SCEL: variants seen among roughly 807,000 people sequenced by gnomAD.
The protein encoded by SCEL is sciellin.
A neutral mutation model predicts 117.6 loss-of-function variants in SCEL; 113 were observed. The ratio of observed to expected loss-of-function variants is 0.96; its 90% CI spans 0.83 to 1.12. The LOEUF is 1.12. Among genes scored for constraint, SCEL ranks in the 50% most tolerant of loss-of-function variants. The pLI is 0.00. For missense variants in SCEL, 785 were observed against 810.8 expected, an observed-to-expected ratio of 0.97 and a Z score of 0.39; for synonymous variants, 270 against 256.2, an observed-to-expected ratio of 1.05 and a Z score of -0.51.
At chr13:77,641,964 T>C (rs2090577800) in intron 31 of SCEL, among the ~76,000 whole-genome samples, 1 of 152,142 alleles carries the variant, frequency 6.6e-6, no homozygotes, top group Non-Finnish European at 1.5e-5. Flanking sequence ...ATATATTCAA[T>C]TAAACAAAAC....
At chr13:77,599,794 T>C in intron 15 of SCEL, 46 bp downstream of exon 15, 1 of 1,373,890 alleles carries the variant, frequency 7.3e-7, no homozygotes. Context: ...TCCCAGATGG[T>C]GTACTATTTT....
chr13:77,598,305 C>A (rs1196920061), intron 13 of SCEL, among the ~76,000 whole-genome samples: 2 of 152,040 alleles, frequency 1.3e-5, no homozygotes, highest in East Asian at 3.8e-4. Context: ...GCATACTAAC[C>A]CACTAAACAG....
intron 19 of SCEL, 70 bp downstream of exon 19, chr13:77,604,485 G>A: frequency 7.8e-7 from 1 of 1,279,876 alleles, no homozygotes; most frequent in Non-Finnish European, 1.1e-6. Context: ...CTGAGTGTTG[G>A]TATTCAGGAC....
intron 1 of SCEL, among the ~76,000 whole-genome samples, chr13:77,550,495 C>T (rs1343855220): frequency 6.6e-6 from 1 of 151,264 alleles, no homozygotes; most frequent in Non-Finnish European, 1.5e-5. Flanking sequence ...AAAAAGAAAC[C>T]CCATTCCCTT....
At position 77,634,414 on chromosome 13, in the gene SCEL, A is replaced by C; in HGVS notation, c.1727A>C (p.Asp576Ala). Reference protein sequence around the residue: ...NTGAKQAGPQDTVVYTRTYVE... With the variant: ...NTGAKQAGPQATVVYTRTYVE... The stretch of plus-strand genomic sequence containing the variant: ...GGAGCCAAGCAGGCAGGACCACAGG[A>C]TACTGTTGTGTACACAAGGACATAT... Residue 576 changes from aspartate (D) to alanine (A), a missense_variant, in exon 29 of 33, where the codon GAT becomes GCT. Physicochemically the swap from Asp to Ala is moderately radical, Grantham distance 126 (BLOSUM62 -2). Coordinates refer to ENST00000349847, the MANE Select transcript of SCEL (RefSeq NM_144777.3). 6.2e-7 allele frequency: 1 copy of C among 1,613,540 alleles called. No homozygotes were observed. The highest frequency in any genetic ancestry group is 8.5e-7 in the Non-Finnish European group (1 of 1,179,602).
In SCEL at chr13:77,563,894, G is replaced by A. The variant is rs1398176796; in HGVS notation, c.285G>A (p.Leu95=). The A allele has an allele frequency of 2.5e-6, 4 of 1,586,132 alleles. No individual in the cohort carries two copies. Among genetic ancestry groups the A allele is most frequent in the Admixed American group, 1.8e-5 (1 of 54,668 alleles). The change falls in exon 5 of 33, where the codon TTG becomes TTA. Residue 95 remains leucine, a synonymous_variant. Coordinates refer to ENST00000349847, the MANE Select transcript of SCEL (RefSeq NM_144777.3). The part of the protein sequence containing the change: ...TISRYSSDDT[L]DRISDRNDAA... ...GTCGGTACAGTTCTGATGACACTTT[G>A]GACAGGTAAGGGGCTTTTGAACCAT... is the stretch of plus-strand genomic sequence containing the variant.
chr13:77,613,979 TTG>T (rs1259744737), intron 24 of SCEL, 24 bp downstream of exon 24: 1 of 1,599,850 alleles, frequency 6.3e-7, no homozygotes, highest in Non-Finnish European at 8.6e-7. Context: ...GTGATTTTTG[TTG>T]TGTTTCTCGT....
intron 1 of SCEL, 95 bp from the exon 2 acceptor site, chr13:77,555,762 A>G (rs996011960): frequency 2.4e-6 from 2 of 823,994 alleles, no homozygotes; most frequent in African/African-American, 3.4e-5. Flanking sequence ...TGACTATGTC[A>G]CTGTCATTGA....
intron 8 of SCEL, among the ~76,000 whole-genome samples, chr13:77,571,283 G>C (rs931413117): frequency 2.0e-5 from 3 of 149,400 alleles, no homozygotes. Context: ...CCAGCAACTC[G>C]GAGGCTGAGG....
At position 77,555,923 on chromosome 13, in the gene SCEL, T is replaced by C. The variant is rs765548268; in HGVS notation, c.43+5T>C. 5.0e-6 allele frequency: 8 copies of C among 1,611,366 alleles called. 1 individual carries two copies. The Admixed American group carries it at 5.0e-5, about 10-fold the overall frequency. ...AAATGTCTCCCACAGGAAATGGTAA[T>C]GTACATGATGTTTCTCTCACTCAGA... On this transcript the variant is annotated splice_donor_5th_base_variant and intron_variant, in intron 2 of 32. Transcript: ENST00000349847.
At chr13:77,571,726 T>G (rs190173716) in intron 8 of SCEL, among the ~76,000 whole-genome samples, 100 of 150,674 alleles carry the variant, frequency 6.6e-4, no homozygotes, top group African/African-American at 1.0e-3. Flanking sequence ...TATATATATA[T>G]ATATAGAGTA....
Position 77,617,863 on chromosome 13 carries a change from G to C in SCEL, c.1571+1G>C, listed in dbSNP as rs985685243. ...CTGCAGTAATCAGAAACAATCAGAGGTATATATAGAAGCAGTCAATTCATG... is the reference window on the plus strand; with the variant it reads ...CTGCAGTAATCAGAAACAATCAGAGCTATATATAGAAGCAGTCAATTCATG... On this transcript the variant is annotated splice_donor_variant, in intron 26 of 32. Transcript: ENST00000349847. LOFTEE classifies it high-confidence loss of function. 1.9e-6 allele frequency: 3 copies of C among 1,606,876 alleles called. No individual in the cohort carries two copies. Among genetic ancestry groups the C allele is most frequent in the Non-Finnish European group, 2.6e-6 (3 of 1,174,336 alleles).
At chr13:77,622,855 C>T (rs1448010174) in intron 27 of SCEL, among the ~76,000 whole-genome samples, 1 of 151,970 alleles carries the variant, frequency 6.6e-6, no homozygotes, top group Non-Finnish European at 1.5e-5. Flanking sequence ...GAGCTAGACC[C>T]CAGTCTCTAA....
At chr13:77,602,577 G>A in intron 16 of SCEL, 77 bp from the exon 17 acceptor site, 1 of 1,252,518 alleles carries the variant, frequency 8.0e-7, no homozygotes, top group Non-Finnish European at 1.2e-6. Flanking sequence ...CCACATTCAG[G>A]GACATTCTTG....
At chr13:77,610,959 A>G (rs927983895) in intron 22 of SCEL, among the ~76,000 whole-genome samples, 1 of 152,238 alleles carries the variant, frequency 6.6e-6, no homozygotes, top group Non-Finnish European at 1.5e-5. Context: ...TTGTAAATGT[A>G]TATTGTTATA....
chr13:77,571,639 A>C (rs1050940416), intron 8 of SCEL, among the ~76,000 whole-genome samples: 2 of 151,678 alleles, frequency 1.3e-5, no homozygotes, highest in African/African-American at 4.8e-5. Context: ...TGGTGAGCGG[A>C]GATCGCGCCA....
intron 11 of SCEL, among the ~76,000 whole-genome samples, chr13:77,593,097 C>T (rs747692955): frequency 4.6e-5 from 7 of 152,110 alleles, no homozygotes; most frequent in Non-Finnish European, 1.0e-4. Context: ...ACCTTTTGAA[C>T]TCACTTCTGT....
intron 9 of SCEL, among the ~76,000 whole-genome samples, chr13:77,581,058 G>A (rs1289519588): frequency 6.6e-6 from 1 of 151,976 alleles, no homozygotes; most frequent in Non-Finnish European, 1.5e-5. Flanking sequence ...TAACTCTATT[G>A]GTACCAAATC....
Position 77,559,722 on chromosome 13 carries a change from C to T in SCEL, c.162-82C>T, listed in dbSNP as rs139382768. 5.4e-5 allele frequency: 67 copies of T among 1,243,626 alleles called. 1 individual carries two copies. The African/African-American group carries it at 7.5e-4, about 14-fold the overall frequency. The allele number at this position is 1,243,626 out of a possible 1,614,324, so 77.0% of individuals were successfully genotyped here. On this transcript the variant is annotated intron_variant, in intron 3 of 32. Coordinates refer to ENST00000349847, the MANE Select transcript of SCEL (RefSeq NM_144777.3). ...TTAACCTTGCCAAAAATTGGGAGCT[C>T]GCCCGCATGTCTCTCTCATTTAGTG... is the stretch of plus-strand genomic sequence containing the variant.
Sources: gnomAD v4.1 joint callset for allele counts (sites outside exome capture counted in the v4.1 genomes callset) on GRCh38, gnomAD v4.1.1 for gene constraint, MANE v1.5 for transcripts, NCBI Gene and HGNC (gene_info 2026-07-23, HGNC 2026-07-21) for gene names.